Variants in TBC1D22A observed in about 807,000 individuals in gnomAD.
TBC1D22A encodes TBC1 domain family member 22A.
In TBC1D22A, 38 loss-of-function variants were observed where a neutral mutation model predicts 60.2. That is an observed-to-expected ratio of 0.63 (90% confidence interval 0.49 to 0.83). The LOEUF (loss-of-function observed/expected upper bound fraction) is 0.83, where lower values mean the gene tolerates loss of function less well. TBC1D22A is among the 40% of genes least tolerant of loss of function. The pLI, the probability that TBC1D22A is intolerant of heterozygous loss-of-function variation, is 0.00. For missense variants in TBC1D22A, 628 were observed against 701.0 expected (o/e 0.90, Z 1.18); for synonymous variants, 302 against 281.7 (o/e 1.07, Z -0.72).
intron 4 of TBC1D22A, among the ~76,000 whole-genome samples, chr22:46,842,372 T>C (rs1416479308): frequency 2.6e-5 from 4 of 152,200 alleles, no homozygotes; most frequent in African/African-American, 9.6e-5. Context: ...TTTTCAAACA[T>C]GGAGAAAAGC....
chr22:46,994,404 T>A (rs1386748225), intron 9 of TBC1D22A, among the ~76,000 whole-genome samples: 2 of 152,244 alleles, frequency 1.3e-5, no homozygotes, highest in Admixed American at 1.3e-4. Context: ...CACCTTCGCC[T>A]CTCCCCGTTT....
Position 46,915,185 on chromosome 22 carries a change from T to G in TBC1D22A, c.1015+2997T>G, listed in dbSNP as rs75861840. ...TGCTCAGGTTCTTATCTTTGAACAT[T>G]CATTCTGGCAGCTGCGTGGATGAGA... is the stretch of plus-strand genomic sequence containing the variant. On this transcript the variant is annotated intron_variant, in intron 8 of 12. Transcript: ENST00000337137. 1.3e-3 allele frequency: 446 copies of G among 351,376 alleles called. 2 individuals carry two copies. The highest frequency in any genetic ancestry group is 9.2e-3 in the African/African-American group (429 of 46,748). 21.8% of individuals were successfully genotyped at this position (351,376 alleles called of 1,614,324 possible). A position where few individuals can be genotyped will look rare whatever the true frequency, so the allele number is the denominator to read the frequency against.
At chr22:46,840,387 C>T (rs1602097944) in intron 4 of TBC1D22A, among the ~76,000 whole-genome samples, 2 of 152,040 alleles carry the variant, frequency 1.3e-5, no homozygotes, top group Non-Finnish European at 2.9e-5. Flanking sequence ...CAGAGAAATG[C>T]AAATAAAAAT....
chr22:46,941,750 G>A (rs563948835), intron 8 of TBC1D22A, among the ~76,000 whole-genome samples: 5 of 145,362 alleles, frequency 3.4e-5, no homozygotes, highest in African/African-American at 7.5e-5. Context: ...ATATATATGC[G>A]GAATATATAT....
At chr22:47,030,901 G>A (rs1354050305) in intron 10 of TBC1D22A, among the ~76,000 whole-genome samples, 1 of 152,370 alleles carries the variant, frequency 6.6e-6, no homozygotes, top group African/African-American at 2.4e-5. Flanking sequence ...CGCTGGGGAT[G>A]CACGTCCCGG....
chr22:47,091,671 T>G (rs2064984024), intron 11 of TBC1D22A, among the ~76,000 whole-genome samples: 1 of 152,114 alleles, frequency 6.6e-6, no homozygotes, highest in Non-Finnish European at 1.5e-5. Context: ...GCTTCAGCCT[T>G]CACAAAGCAG....
At chr22:46,902,101 G>A (rs564219851) in intron 7 of TBC1D22A, among the ~76,000 whole-genome samples, 17 of 152,304 alleles carry the variant, frequency 1.1e-4, no homozygotes, top group African/African-American at 3.4e-4. Flanking sequence ...GGTGAAGACC[G>A]GGGTCCTTAG....
chr22:47,140,413 G>C (rs181989811), intron 12 of TBC1D22A, among the ~76,000 whole-genome samples: 120 of 152,162 alleles, frequency 7.9e-4, no homozygotes, highest in African/African-American at 2.6e-3. Flanking sequence ...CAAAAAATTA[G>C]CCGGGTGTGG....
chr22:46,883,578 T>TC (rs2067958423), intron 5 of TBC1D22A, among the ~76,000 whole-genome samples: 1 of 152,208 alleles, frequency 6.6e-6, no homozygotes, highest in East Asian at 1.9e-4. Context: ...AATTTACATT[T>TC]TGGGGAGTGG....
At chr22:46,792,396 C>T (rs1286104289) in intron 1 of TBC1D22A, 124 bp from the exon 2 acceptor site, 2 of 1,347,054 alleles carry the variant, frequency 1.5e-6, no homozygotes, top group Non-Finnish European at 1.1e-6. Flanking sequence ...CCTGCGACAG[C>T]CCATGAGGAG....
chr22:46,890,369 A>G (rs1416919996), intron 5 of TBC1D22A, among the ~76,000 whole-genome samples: 2 of 152,246 alleles, frequency 1.3e-5, no homozygotes, highest in Non-Finnish European at 1.5e-5. Flanking sequence ...AAATGGTAAC[A>G]GTGCAACAAA....
At chr22:47,173,055 G>C (rs939656377) in intron 12 of TBC1D22A, among the ~76,000 whole-genome samples, 4 of 152,378 alleles carry the variant, frequency 2.6e-5, no homozygotes, top group East Asian at 1.9e-4. Context: ...GGAGTGGGAA[G>C]CTCCTGGGCG....
At chr22:46,831,438 A>G (rs1477309890) in intron 4 of TBC1D22A, among the ~76,000 whole-genome samples, 1 of 152,196 alleles carries the variant, frequency 6.6e-6, no homozygotes, top group South Asian at 2.1e-4. Context: ...TCGGAGCACA[A>G]GCACGTGGCT....
intron 5 of TBC1D22A, among the ~76,000 whole-genome samples, chr22:46,887,551 C>T (rs1289837875): frequency 6.6e-6 from 1 of 152,194 alleles, no homozygotes; most frequent in African/African-American, 2.4e-5. Flanking sequence ...GAATGGATTT[C>T]ATACACAGCA....
At position 46,802,278 on chromosome 22, in the gene TBC1D22A, G is replaced by C. The variant is rs566941981; in HGVS notation, c.637+4658G>C. 5.9e-5 allele frequency among the ~76,000 whole-genome samples: 9 copies of C among 151,272 alleles called. No individual in the cohort carries two copies. In the South Asian group the frequency reaches 1.7e-3, roughly 28 times the overall value. On this transcript the variant is annotated intron_variant, in intron 4 of 12. Transcript: ENST00000337137. ...GCTGACATTCTCGTGTGAGGAGACA[G>C]AGGGAGCTCGCTCAGTACCCCCGCA...
At chr22:46,874,269 G>A (rs568958387) in intron 4 of TBC1D22A, among the ~76,000 whole-genome samples, 3 of 152,132 alleles carry the variant, frequency 2.0e-5, no homozygotes, top group African/African-American at 4.8e-5. Flanking sequence ...CTTTGTAATA[G>A]AACGATTTAT....
intron 4 of TBC1D22A, among the ~76,000 whole-genome samples, chr22:46,845,437 G>A (rs1335018507): frequency 2.0e-5 from 3 of 152,266 alleles, no homozygotes; most frequent in East Asian, 1.9e-4. Flanking sequence ...AACTTGCTGC[G>A]GTTACCGTAG....
chr22:46,788,542 C>T (rs2084265167), intron 1 of TBC1D22A, among the ~76,000 whole-genome samples: 2 of 152,120 alleles, frequency 1.3e-5, no homozygotes, highest in Non-Finnish European at 2.9e-5. Context: ...TGTTTCATTC[C>T]TTTGGTAAAA....
In TBC1D22A at chr22:47,051,318, T is replaced by C. The variant is rs1206584336; in HGVS notation, c.1329+14120T>C. ...AGAGAAGGTACCTGGTTATAGATAA[T>C]TAACTACAATTTAAATTTTAAATAT... On this transcript the variant is annotated intron_variant, in intron 11 of 12. Transcript: ENST00000337137. 3.9e-5 allele frequency among the ~76,000 whole-genome samples: 6 copies of C among 152,334 alleles called. No homozygotes were observed. In the East Asian group the frequency reaches 7.7e-4, roughly 20 times the overall value.
Sources: gnomAD v4.1 joint callset for allele counts (sites outside exome capture counted in the v4.1 genomes callset) on GRCh38, gnomAD v4.1.1 for gene constraint, MANE v1.5 for transcripts, NCBI Gene and HGNC (gene_info 2026-07-23, HGNC 2026-07-21) for gene names.